C12orf75: variants seen among roughly 807,000 people sequenced by gnomAD.
C12orf75 encodes the protein chromosome 12 open reading frame 75.
C12orf75 carries 4 observed loss-of-function variants against 11.4 expected under a neutral mutation model. The observed-to-expected ratio is 0.35, with a 90% CI of 0.17 to 0.80. The LOEUF (loss-of-function observed/expected upper bound fraction) is 0.80, where lower values mean the gene tolerates loss of function less well. Ranked by LOEUF, C12orf75 falls within the 30% of genes least tolerant of loss-of-function variation. The pLI is 0.52. For missense variants in C12orf75, 89 were observed against 80.4 expected (o/e 1.11, Z -0.41); for synonymous variants, 30 against 30.0 (o/e 1.00, Z 0.00).
At chr12:105,348,469 T>G in intron 1 of C12orf75, 133 bp from the exon 2 acceptor site, 1 of 488,638 alleles carries the variant, frequency 2.0e-6, no homozygotes, top group East Asian at 3.5e-5. Context: ...TTGCCCTCCT[T>G]TCTCTGTTTT....
At chr12:105,349,569 T>G (rs34346262) in intron 2 of C12orf75, among the ~76,000 whole-genome samples, 26,833 of 152,148 alleles carry the variant, frequency 0.18, 2,736 homozygotes, top group Non-Finnish European at 0.23. Flanking sequence ...CTCAAAAGCC[T>G]TCAATGGTCA....
chr12:105,359,510 C>G (rs1892830704), intron 2 of C12orf75, among the ~76,000 whole-genome samples: 1 of 152,106 alleles, frequency 6.6e-6, no homozygotes, highest in Non-Finnish European at 1.5e-5. Context: ...GTGGCTCACA[C>G]CTGTAATCTC....
chr12:105,350,761 G>A (rs916097752), intron 2 of C12orf75, among the ~76,000 whole-genome samples: 1 of 152,136 alleles, frequency 6.6e-6, no homozygotes, highest in African/African-American at 2.4e-5. Context: ...ATCATAGTTT[G>A]TGTTGAATAA....
intron 2 of C12orf75, among the ~76,000 whole-genome samples, chr12:105,365,056 C>T (rs868790835): frequency 6.6e-6 from 1 of 151,830 alleles, no homozygotes; most frequent in Non-Finnish European, 1.5e-5. Context: ...AAGCTGGTCT[C>T]GAACTCCTGA....
At chr12:105,368,291 C>G (rs1871535687) in intron 5 of C12orf75, among the ~76,000 whole-genome samples, 1 of 152,184 alleles carries the variant, frequency 6.6e-6, no homozygotes, top group Admixed American at 6.5e-5. Context: ...CTGTATTTCA[C>G]TCCTGGTGAA....
intron 2 of C12orf75, among the ~76,000 whole-genome samples, chr12:105,361,587 C>T (rs1431483505): frequency 6.6e-6 from 1 of 152,310 alleles, no homozygotes; most frequent in Middle Eastern, 3.4e-3. Flanking sequence ...ACCTAATAAC[C>T]TGAGGCAATC....
chr12:105,331,958 T>C (rs1341795976), intron 1 of C12orf75, among the ~76,000 whole-genome samples: 1 of 152,200 alleles, frequency 6.6e-6, no homozygotes, highest in Admixed American at 6.5e-5. Context: ...CTTTGTAACC[T>C]TGGGCCTGTC....
chr12:105,352,855 G>GA (rs1892730247), intron 2 of C12orf75, among the ~76,000 whole-genome samples: 1 of 152,156 alleles, frequency 6.6e-6, no homozygotes, highest in African/African-American at 2.4e-5. Flanking sequence ...ATCACCATAA[G>GA]AAAAAGCCTA....
chr12:105,347,503 C>T lies in C12orf75; in HGVS notation c.47-1099C>T, dbSNP rs529219994. On this transcript the variant is annotated intron_variant, in intron 1 of 5. Coordinates refer to ENST00000443585, the MANE Select transcript of C12orf75 (RefSeq NM_001145199.2). ...GTCTGAAAGCTGAAGAACATGGAGT[C>T]CGATATTCGAGGGCAGGAAGCATCC... 2.0e-4 allele frequency among the ~76,000 whole-genome samples: 31 copies of T among 152,280 alleles called. 1 individual carries two copies. The South Asian group carries it at 5.6e-3, about 27-fold the overall frequency.
At chr12:105,348,350 G>A (rs778220636) in intron 1 of C12orf75, among the ~76,000 whole-genome samples, 4 of 151,048 alleles carry the variant, frequency 2.6e-5, no homozygotes, top group Admixed American at 1.3e-4. Context: ...AGGAGGCAGA[G>A]GTTGCAGTGA....
At chr12:105,360,738 G>C (rs1892850940) in intron 2 of C12orf75, among the ~76,000 whole-genome samples, 1 of 152,188 alleles carries the variant, frequency 6.6e-6, no homozygotes, top group African/African-American at 2.4e-5. Flanking sequence ...TGCAACCACT[G>C]TCTCCCGGGC....
intron 2 of C12orf75, among the ~76,000 whole-genome samples, chr12:105,357,707 T>G (rs1165185711): frequency 2.0e-5 from 3 of 152,044 alleles, no homozygotes; most frequent in Non-Finnish European, 4.4e-5. Context: ...CACCTGTTCT[T>G]TGATAAAAGA....
intron 2 of C12orf75, among the ~76,000 whole-genome samples, chr12:105,358,369 T>C (rs536395475): frequency 6.6e-6 from 1 of 152,010 alleles, no homozygotes; most frequent in Admixed American, 6.5e-5. Context: ...AAAAAACATA[T>C]ATGTTAGCCA....
intron 2 of C12orf75, among the ~76,000 whole-genome samples, chr12:105,354,744 A>G (rs1367861227): frequency 6.6e-6 from 1 of 152,156 alleles, no homozygotes; most frequent in Non-Finnish European, 1.5e-5. Flanking sequence ...GACCCTGTGA[A>G]ATAGGAGCAG....
At chr12:105,345,989 A>G (rs1892635183) in intron 1 of C12orf75, among the ~76,000 whole-genome samples, 1 of 152,114 alleles carries the variant, frequency 6.6e-6, no homozygotes. Flanking sequence ...TCTGATAAGA[A>G]ACATTTAAAG....
At chr12:105,347,770 C>G (rs988010938) in intron 1 of C12orf75, among the ~76,000 whole-genome samples, 1 of 152,208 alleles carries the variant, frequency 6.6e-6, no homozygotes, top group African/African-American at 2.4e-5. Context: ...TCAGTATTAA[C>G]CATCACAGAT....
intron 1 of C12orf75, among the ~76,000 whole-genome samples, chr12:105,336,306 C>T (rs1892498941): frequency 6.6e-6 from 1 of 152,190 alleles, no homozygotes; most frequent in Non-Finnish European, 1.5e-5. Flanking sequence ...GCTAAAAAGG[C>T]CAAGTACAAA....
At chr12:105,338,823 T>C (rs1451552201) in intron 1 of C12orf75, among the ~76,000 whole-genome samples, 1 of 152,180 alleles carries the variant, frequency 6.6e-6, no homozygotes, top group Non-Finnish European at 1.5e-5. Context: ...CAGCCATTCA[T>C]GAAGGATCTG....
intron 2 of C12orf75, among the ~76,000 whole-genome samples, chr12:105,358,476 G>T (rs752582555): frequency 9.2e-5 from 14 of 152,188 alleles, no homozygotes; most frequent in Non-Finnish European, 1.5e-4. Context: ...AGCTATGATT[G>T]TGCCACTGCT....
Sources: gnomAD v4.1 joint callset for allele counts (sites outside exome capture counted in the v4.1 genomes callset) on GRCh38, gnomAD v4.1.1 for gene constraint, MANE v1.5 for transcripts, NCBI Gene and HGNC (gene_info 2026-07-23, HGNC 2026-07-21) for gene names.